MROH1: variants seen among roughly 807,000 people sequenced by gnomAD.
MROH1 encodes maestro heat like repeat family member 1.
In MROH1, 117 loss-of-function variants were observed where a neutral mutation model predicts 116.5. The ratio of observed to expected loss-of-function variants is 1.00; its 90% CI spans 0.86 to 1.17. The LOEUF is 1.17. MROH1 is among the 50% of genes most tolerant of loss of function. The pLI, the probability that MROH1 is intolerant of heterozygous loss-of-function variation, is 0.00. For synonymous variants in MROH1, 921 were observed against 583.9 expected (o/e 1.58, Z -8.32); for missense variants, 1,873 against 1,338.5 (o/e 1.40, Z -6.23).
At chr8:144,203,939 T>G (rs72695465) in intron 12 of MROH1, among the ~76,000 whole-genome samples, 2,750 of 152,306 alleles carry the variant, frequency 0.018, 40 homozygotes, top group Non-Finnish European at 0.026. Context: ...GCGTTCACTT[T>G]GTTTTCCCCA....
rs561902621 is a variant in MROH1 at position 144,195,195 on chromosome 8, TAAAAAA to T, written c.948+2813_948+2818del. On this transcript the variant is annotated intron_variant, in intron 10 of 43. Transcript: ENST00000326134. Reference sequence around the variant, plus strand: ...GGGTGACAGTGCGAGACTGTGTCTTTAAAAAAAAAAAAAAAAAAAAAAAAGGCCGAG... The same window carrying T: ...GGGTGACAGTGCGAGACTGTGTCTTTAAAAAAAAAAAAAAAAAAGGCCGAG... 7.8e-3 allele frequency among the ~76,000 whole-genome samples: 91 copies of T among 11,686 alleles called. 3 individuals carry two copies. Among genetic ancestry groups the T allele is most frequent in the African/African-American group, 0.024 (77 of 3,146 alleles). The allele number at this position is 11,686 out of a possible 152,430, so 7.7% of individuals were successfully genotyped here.
chr8:144,257,247 GCCTTCTCGTACGTCCGA>G (rs1345712900), intron 35 of MROH1, among the ~76,000 whole-genome samples: 4 of 152,196 alleles, frequency 2.6e-5, no homozygotes, highest in African/African-American at 9.7e-5. Flanking sequence ...TTCCAGAGCT[GCCTTCTCGTACGTCCGA>G]CCTTGGGGAG....
At chr8:144,234,767 C>G (rs549440642) in intron 14 of MROH1, among the ~76,000 whole-genome samples, 1 of 151,186 alleles carries the variant, frequency 6.6e-6, no homozygotes, top group African/African-American at 2.4e-5. Flanking sequence ...ATCTACCCAC[C>G]TTGGCCTCCT....
intron 7 of MROH1, among the ~76,000 whole-genome samples, chr8:144,189,619 G>A (rs571265813): frequency 1.3e-5 from 2 of 152,316 alleles, no homozygotes; most frequent in Admixed American, 6.5e-5. Context: ...GGCCACCGCT[G>A]AGTCACATCC....
At chr8:144,251,754 T>G (rs2133188944) in intron 33 of MROH1, 1 of 153,048 alleles carries the variant, frequency 6.5e-6, no homozygotes, top group Non-Finnish European at 1.5e-5. Context: ...AGTCACTGGG[T>G]CCTGCAGGAC....
intron 14 of MROH1, among the ~76,000 whole-genome samples, chr8:144,234,499 T>TTTTTTTTTTTTTTTG (rs1839651057): frequency 2.5e-5 from 1 of 40,110 alleles, no homozygotes. Flanking sequence ...TTCTTTTTCG[T>TTTTTTTTTTTTTTTG]TTTTTTTTTT....
chr8:144,256,862 G>A (rs1843930617), intron 35 of MROH1, among the ~76,000 whole-genome samples: 2 of 152,272 alleles, frequency 1.3e-5, no homozygotes, highest in Admixed American at 6.5e-5. Context: ...TGCTGTGCCT[G>A]CGCCATTTGC....
chr8:144,203,791 G>C (rs955882376), intron 12 of MROH1, among the ~76,000 whole-genome samples: 4 of 152,146 alleles, frequency 2.6e-5, no homozygotes, highest in African/African-American at 9.7e-5. Flanking sequence ...ACCTGATGAG[G>C]TTGGCATCTG....
At chr8:144,252,983 T>C (rs2133215295) in intron 33 of MROH1, among the ~76,000 whole-genome samples, 1 of 132,730 alleles carries the variant, frequency 7.5e-6, no homozygotes, top group Non-Finnish European at 1.6e-5. Context: ...TTATTTCATA[T>C]ATATATATAT....
intron 35 of MROH1, among the ~76,000 whole-genome samples, chr8:144,257,478 G>A (rs1364470346): frequency 2.0e-5 from 3 of 152,086 alleles, no homozygotes; most frequent in East Asian, 3.9e-4. Flanking sequence ...CTCTCAGGCC[G>A]CCTCATTCCT....
chr8:144,218,391 G>A lies in MROH1; in HGVS notation c.1142-2209G>A, dbSNP rs145237301. On this transcript the variant is annotated intron_variant, in intron 12 of 43. Transcript: ENST00000326134. The stretch of plus-strand genomic sequence containing the variant: ...CCATGAGGTTTTGCACCGGACTCCT[G>A]CACCTATTCCAGTCAGGCCGTCATC... Among the ~76,000 whole-genome samples the A allele has an allele frequency of 4.0e-3, 612 of 152,142 alleles. 2 individuals are homozygous for A. The highest frequency in any genetic ancestry group is 0.014 in the African/African-American group (586 of 41,482).
At chr8:144,218,662 TCCCCTCCCGTCC>T (rs1835818961) in intron 12 of MROH1, among the ~76,000 whole-genome samples, 1 of 58,124 alleles carries the variant, frequency 1.7e-5, no homozygotes, top group Non-Finnish European at 3.6e-5. Context: ...TCCCCTCCTC[TCCCCTCCCGTCC>T]CCTCTCCCCT....
intron 35 of MROH1, among the ~76,000 whole-genome samples, chr8:144,257,539 C>T (rs1305083886): frequency 1.3e-5 from 2 of 152,224 alleles, no homozygotes; most frequent in African/African-American, 2.4e-5. Flanking sequence ...CTCATGGGGC[C>T]CATCACCAGA....
At chr8:144,153,270 C>T (rs1817292454) in intron 1 of MROH1, among the ~76,000 whole-genome samples, 1 of 151,792 alleles carries the variant, frequency 6.6e-6, no homozygotes, top group South Asian at 2.1e-4. Flanking sequence ...GATCTCGGCT[C>T]ACTGCAACCT....
chr8:144,261,230 C>A lies in MROH1; in HGVS notation c.4774+14C>A, dbSNP rs1554835662. The A allele has an allele frequency of 1.3e-6, 1 of 763,010 alleles. No homozygotes were observed. The highest frequency in any genetic ancestry group is 1.3e-5 in the South Asian group (1 of 74,502). The allele number at this position is 763,010 out of a possible 1,614,324, so 47.3% of individuals were successfully genotyped here. A position where few individuals can be genotyped will look rare whatever the true frequency, so the allele number is the denominator to read the frequency against. ...CCCTGTTCACCGGTAAGCACCACCC[C>A]CTGCCCCACCCCCACGCCGCCCGGC... On this transcript the variant is annotated intron_variant, in intron 42 of 43. Coordinates refer to ENST00000326134, the MANE Select transcript of MROH1 (RefSeq NM_032450.3).
At chr8:144,155,928 C>T (rs1033735473) in intron 1 of MROH1, among the ~76,000 whole-genome samples, 2 of 151,440 alleles carry the variant, frequency 1.3e-5, no homozygotes, top group Non-Finnish European at 2.9e-5. Flanking sequence ...CCACTGCACC[C>T]GGCCAGTTTT....
Position 144,163,957 on chromosome 8 carries a change from C to G in MROH1, c.22+109C>G. ...CTCCAATGGTGCCTAGAGTTTCCAC[C>G]CTATACTCGGGAGCCTGAGTGGGTT... On this transcript the variant is annotated intron_variant, in intron 3 of 43. Transcript: ENST00000326134. The surrounding 1 kb of genome is among the most constrained non-coding windows in gnomAD (Gnocchi z 4.4). 3.3e-6 allele frequency: 4 copies of G among 1,213,120 alleles called. No individual in the cohort carries two copies. Among genetic ancestry groups the G allele is most frequent in the Non-Finnish European group, 4.7e-6 (4 of 851,944 alleles). The allele number at this position is 1,213,120 out of a possible 1,614,324, so 75.1% of individuals were successfully genotyped here.
chr8:144,230,508 T>G (rs1279629658), intron 14 of MROH1, among the ~76,000 whole-genome samples: 2 of 152,070 alleles, frequency 1.3e-5, no homozygotes, highest in African/African-American at 2.4e-5. Context: ...CTGGCTTTTT[T>G]TTTTTTTAAT....
chr8:144,228,963 G>A (rs964123590), intron 14 of MROH1, among the ~76,000 whole-genome samples: 4 of 152,136 alleles, frequency 2.6e-5, no homozygotes, highest in Non-Finnish European at 4.4e-5. Flanking sequence ...CTTTGTTGTC[G>A]TTTCAACAAC....
Sources: gnomAD v4.1 joint callset for allele counts (sites outside exome capture counted in the v4.1 genomes callset) on GRCh38, gnomAD v4.1.1 for gene constraint, Gnocchi (gnomAD v3.1) non-coding constraint, MANE v1.5 for transcripts, NCBI Gene and HGNC (gene_info 2026-07-23, HGNC 2026-07-21) for gene names.